HTT: variants seen among roughly 807,000 people sequenced by gnomAD.
HTT encodes the protein huntingtin, also known as huntington disease protein.
Under a neutral mutation model 362.3 loss-of-function variants are expected in HTT, and 104 were observed. That is an observed-to-expected ratio of 0.29 (90% CI 0.24 to 0.34). HTT has a LOEUF of 0.34. Among genes scored for constraint, HTT ranks in the 10% least tolerant of loss-of-function variants. HTT has a pLI of 1.00. For missense variants in HTT, 3,301 were observed against 3,928.6 expected (o/e 0.84, Z 4.27); for synonymous variants, 1,577 against 1,548.7 (o/e 1.02, Z -0.43).
chr4:3,155,167 C>T, intron 27 of HTT, among the ~76,000 whole-genome samples: 1 of 151,776 alleles, frequency 6.6e-6, no homozygotes, highest in Middle Eastern at 3.2e-3. Flanking sequence ...ATGGTTCTCC[C>T]ATTTGTTTTG....
At chr4:3,101,098 G>C (rs979674762) in intron 3 of HTT, among the ~76,000 whole-genome samples, 1 of 152,224 alleles carries the variant, frequency 6.6e-6, no homozygotes, top group Non-Finnish European at 1.5e-5. Flanking sequence ...ATCCCAGGTT[G>C]CCTTGGTTCA....
chr4:3,170,745 C>T (rs2110229725), intron 29 of HTT, among the ~76,000 whole-genome samples: 1 of 152,314 alleles, frequency 6.6e-6, no homozygotes, highest in East Asian at 1.9e-4. Flanking sequence ...GACTTAGTCT[C>T]TCGTCTCCCA....
Position 3,209,950 on chromosome 4 carries a change from G to T in HTT, c.6414+1G>T, listed in dbSNP as rs564193035. On this transcript the variant is annotated splice_donor_variant, in intron 47 of 66. Transcript: ENST00000355072. LOFTEE classifies it high-confidence loss of function. ...TATGAATGCCTTCATGATGAACTCG[G>T]TACGGGGGGAGCAGTGGAGGCAAGG... The T allele has an allele frequency of 6.2e-7, 1 of 1,613,662 alleles. No individual in the cohort carries two copies. Among genetic ancestry groups the T allele is most frequent in the South Asian group, 1.1e-5 (1 of 91,032 alleles).
intron 51 of HTT, among the ~76,000 whole-genome samples, chr4:3,217,505 A>G (rs536686034): frequency 2.0e-5 from 3 of 152,342 alleles, no homozygotes; most frequent in African/African-American, 7.2e-5. Context: ...TGGCCTTATC[A>G]CAGAGAGTGG....
intron 61 of HTT, among the ~76,000 whole-genome samples, chr4:3,235,012 C>T (rs1040658298): frequency 1.3e-5 from 2 of 152,076 alleles, no homozygotes; most frequent in African/African-American, 2.4e-5. Flanking sequence ...TGTGTGGTGG[C>T]CAGCATGGAG....
intron 21 of HTT, among the ~76,000 whole-genome samples, chr4:3,140,234 C>T (rs990958014): frequency 6.7e-6 from 1 of 148,692 alleles, no homozygotes; most frequent in African/African-American, 2.5e-5. Context: ...GTACTCCGGC[C>T]TGGGCCACAG....
Position 3,214,582 on chromosome 4 carries a change from C to T in HTT, c.6952+447C>T, listed in dbSNP as rs1029770540. ...AAAGTGGCTTGTTCTTTTCAAGGAA[C>T]AGTATCCTCAACAAGGGTCATTAGC... is the stretch of plus-strand genomic sequence containing the variant. On this transcript the variant is annotated intron_variant, in intron 50 of 66. Coordinates refer to ENST00000355072, the MANE Select transcript of HTT (RefSeq NM_001388492.1). 2.0e-5 allele frequency among the ~76,000 whole-genome samples: 3 copies of T among 152,252 alleles called. No individual in the cohort carries two copies. The East Asian group carries it at 5.8e-4, about 29-fold the overall frequency.
intron 51 of HTT, among the ~76,000 whole-genome samples, chr4:3,217,071 T>A (rs1720441418): frequency 1.3e-5 from 2 of 152,022 alleles, no homozygotes; most frequent in South Asian, 4.1e-4. Flanking sequence ...AGCGTGGGGC[T>A]TAATTGCTTA....
At chr4:3,204,772 A>G (rs894469306) in intron 42 of HTT, among the ~76,000 whole-genome samples, 1 of 152,200 alleles carries the variant, frequency 6.6e-6, no homozygotes, top group African/African-American at 2.4e-5. Context: ...GTTCGAGACC[A>G]GCCTGGCAAC....
intron 52 of HTT, among the ~76,000 whole-genome samples, chr4:3,219,265 G>T (rs1057358001): frequency 2.6e-5 from 4 of 152,178 alleles, no homozygotes; most frequent in Non-Finnish European, 4.4e-5. Context: ...GACAGTAACT[G>T]CTCCTTTGGA....
chr4:3,207,110 T>C (rs1719894437), intron 44 of HTT, 127 bp downstream of exon 44: 1 of 1,115,864 alleles, frequency 9.0e-7, no homozygotes, highest in African/African-American at 1.6e-5. Flanking sequence ...CATGGAAACA[T>C]CTGCAAACTT....
chr4:3,099,649 C>T (rs994936287), intron 3 of HTT, among the ~76,000 whole-genome samples: 2 of 146,562 alleles, frequency 1.4e-5, no homozygotes. Context: ...TTTGGAGGTG[C>T]TCTTGTATGG....
intron 3 of HTT, among the ~76,000 whole-genome samples, chr4:3,100,399 C>T (rs759983934): frequency 1.6e-4 from 25 of 152,158 alleles, no homozygotes; most frequent in Non-Finnish European, 3.1e-4. Flanking sequence ...TATCCTTTTG[C>T]CCAGGGAATC....
intron 41 of HTT, among the ~76,000 whole-genome samples, chr4:3,200,558 G>A (rs1433181775): frequency 6.6e-6 from 1 of 152,182 alleles, no homozygotes; most frequent in Non-Finnish European, 1.5e-5. Context: ...CCTCAGCACA[G>A]TATTTCTGGA....
At chr4:3,104,774 C>T (rs1455845878) in intron 4 of HTT, among the ~76,000 whole-genome samples, 2 of 151,964 alleles carry the variant, frequency 1.3e-5, no homozygotes, top group Admixed American at 6.6e-5. Context: ...TGTGGTGGTG[C>T]ACAACTATAG....
chr4:3,131,634 G>T lies in HTT; in HGVS notation c.2099-4G>T, dbSNP rs1466713638. The stretch of plus-strand genomic sequence containing the variant: ...TGAAGGTGGCTTGGGTGATTTCTTG[G>T]CAGTGCTGGTTCCGGACAGGGATGT... On this transcript the variant is annotated splice_region_variant and splice_polypyrimidine_tract_variant and intron_variant, in intron 15 of 66. Coordinates refer to ENST00000355072, the MANE Select transcript of HTT (RefSeq NM_001388492.1). The T allele has an allele frequency of 1.2e-6, 2 of 1,611,472 alleles. No individual in the cohort carries two copies. Among genetic ancestry groups the T allele is most frequent in the Admixed American group, 1.7e-5 (1 of 59,640 alleles).
Position 3,215,424 on chromosome 4 carries a change from G to T in HTT, c.7054+213G>T, listed in dbSNP as rs143097854. Among the ~76,000 whole-genome samples, 223 of 152,180 alleles carry T rather than the reference G, an allele frequency of 1.5e-3. 1 individual carries two copies. The highest frequency in any genetic ancestry group is 5.2e-3 in the African/African-American group (215 of 41,536). On this transcript the variant is annotated intron_variant, in intron 51 of 66. Coordinates refer to ENST00000355072, the MANE Select transcript of HTT (RefSeq NM_001388492.1). ...GTGAACACCTTATCCGTACACATGC[G>T]GCTGTCTCTGACCCTACAGACCAGC...
intron 1 of HTT, among the ~76,000 whole-genome samples, chr4:3,082,338 G>C (rs1172570459): frequency 1.3e-5 from 2 of 152,150 alleles, no homozygotes; most frequent in South Asian, 2.1e-4. Flanking sequence ...CTGTAAATAA[G>C]TCAACCACTT....
Position 3,116,143 on chromosome 4 carries a change from C to A in HTT, c.948C>A (p.Leu316=), listed in dbSNP as rs1455195964. The change falls in exon 8 of 67, where the codon CTC becomes CTA. Residue 316 remains leucine (L), a synonymous_variant. Transcript: ENST00000355072. ...HSTLLILGVL[L]TLRYLVPLLQ... ...CTCTGCTGATTCTTGGCGTGCTGCT[C>A]ACCCTGAGGTATTTGGTGCCCTTGC... is the stretch of plus-strand genomic sequence containing the variant. The A allele has an allele frequency of 3.1e-6, 5 of 1,613,766 alleles. No homozygotes were observed. Among genetic ancestry groups the A allele is most frequent in the Non-Finnish European group, 1.7e-6 (2 of 1,179,950 alleles).
Sources: gnomAD v4.1 joint callset for allele counts (sites outside exome capture counted in the v4.1 genomes callset) on GRCh38, gnomAD v4.1.1 for gene constraint, MANE v1.5 for transcripts, NCBI Gene and HGNC (gene_info 2026-07-23, HGNC 2026-07-21) for gene names.